The following TSC1 variants were observed in gnomAD, a reference collection of about 807,000 sequenced individuals.
TSC1 encodes TSC complex subunit 1.
TSC1 carries 20 observed loss-of-function variants against 124.3 expected under a neutral mutation model. The ratio of observed to expected loss-of-function variants is 0.16; its 90% confidence interval spans 0.11 to 0.23. TSC1 has a LOEUF of 0.23. Ranked by LOEUF, TSC1 falls within the 10% of genes least tolerant of loss-of-function variation. TSC1 has a pLI of 1.00. For synonymous variants in TSC1, 493 were observed against 539.1 expected, an observed-to-expected ratio of 0.91 and a Z score of 1.19; for missense variants, 1,124 against 1,448.5, an observed-to-expected ratio of 0.78 and a Z score of 3.64.
intron 12 of TSC1, among the ~76,000 whole-genome samples, chr9:132,907,624 G>A (rs1167283586): frequency 2.0e-5 from 3 of 152,090 alleles, no homozygotes; most frequent in African/African-American, 7.2e-5. Flanking sequence ...AGAGTAGCTG[G>A]GATTACAGAA....
At chr9:132,900,959 C>T in intron 19 of TSC1, 122 bp from the exon 20 acceptor site, 1 of 1,415,400 alleles carries the variant, frequency 7.1e-7, no homozygotes, top group Non-Finnish European at 9.8e-7. Context: ...TAAACCAGTC[C>T]CATGGGTTCA....
intron 20 of TSC1, chr9:132,900,005 TA>T (rs147044907): frequency 6.6e-6 from 1 of 152,102 alleles, no homozygotes; most frequent in African/African-American, 2.4e-5. Context: ...AAATAAAGAG[TA>T]ACTCTATTAG....
chr9:132,924,749 C>T (rs1330524284), intron 5 of TSC1: 1 of 152,126 alleles, frequency 6.6e-6, no homozygotes, highest in Non-Finnish European at 1.5e-5. Context: ...TAAAACTGTT[C>T]CTATTTTTTC....
At chr9:132,900,891 T>C in intron 19 of TSC1, 54 bp from the exon 20 acceptor site, 3 of 1,612,042 alleles carry the variant, frequency 1.9e-6, no homozygotes, top group Non-Finnish European at 2.5e-6. Context: ...AACTAGCACA[T>C]AGACGTCATT....
chr9:132,908,115 A>G (rs1436583217), intron 12 of TSC1, among the ~76,000 whole-genome samples: 2 of 150,920 alleles, frequency 1.3e-5, no homozygotes, highest in Admixed American at 1.3e-4. Context: ...TAATAATGAG[A>G]AAGTTGGAGA....
Position 132,923,352 on chromosome 9 carries a change from T to C in TSC1, c.504A>G (p.Lys168=). ...FGRLSSWCLK[K]PGHVAEVYLV... ...GGTATATGAGGAGATCTGTACCTGG[T>C]TTCTTCAGGCACCATGATGACAGAC... The change falls in exon 6 of 23, where the codon AAA becomes AAG. Residue 168 remains lysine (K), a synonymous_variant. Coordinates refer to ENST00000298552, the MANE Select transcript of TSC1 (RefSeq NM_000368.5). This position sits in a 1 kb window ranked among gnomAD's most constrained non-coding sequence, Gnocchi z 4.2. 6.2e-7 allele frequency: 1 copy of C among 1,614,032 alleles called. No individual in the cohort carries two copies.
intron 2 of TSC1, among the ~76,000 whole-genome samples, chr9:132,929,833 G>C (rs1847111605): frequency 6.6e-6 from 1 of 152,160 alleles, no homozygotes; most frequent in African/African-American, 2.4e-5. Flanking sequence ...TGGAGATCAA[G>C]CCATTTGTTC....
In TSC1 at chr9:132,911,515, G is replaced by T. The variant is rs781189978; in HGVS notation, c.967C>A (p.Pro323Thr). Residue 323 changes from proline to threonine, a missense_variant, in exon 10 of 23, where the codon CCA (proline) becomes ACA (threonine). Transcript: ENST00000298552. The part of the protein sequence containing the change: ...STSRLMLLNM[P>T]GQLPQTLSSP... ...CTCAGAGTCTGAGGTAGCTGCCCTG[G>T]CATATTTAACAACATCAGCCGAGAC... 6.2e-7 allele frequency: 1 copy of T among 1,613,380 alleles called. No homozygotes were observed. Among genetic ancestry groups the T allele is most frequent in the Non-Finnish European group, 8.5e-7 (1 of 1,179,932 alleles).
rs1588285309 is a variant in TSC1, at chr9:132,896,037, A to AG, written c.*197dup. On this transcript the variant is annotated 3_prime_UTR_variant, in exon 23 of 23. Transcript: ENST00000298552. The surrounding 1 kb of genome is among the most constrained non-coding windows in gnomAD (Gnocchi z 4.5). ...AATGAGAGGGGGTTAGGGCGGGTGG[A>AG]GGGGAAGGTCAAGAGGCATTTCAAT... The AG allele has an allele frequency of 5.6e-6, 4 of 714,422 alleles. No individual in the cohort carries two copies. The highest frequency in any genetic ancestry group is 9.7e-6 in the Non-Finnish European group (4 of 413,624). 44.3% of individuals were successfully genotyped at this position (714,422 alleles called of 1,614,324 possible).
Position 132,893,900 on chromosome 9 carries a change from T to C in TSC1, c.*2335A>G, listed in dbSNP as rs1844894892. The stretch of plus-strand genomic sequence containing the variant: ...GACCTGTTGACTCTTGGCAGGTTTA[T>C]CATGTCCAAAACCAAACCAAACCTA... On this transcript the variant is annotated 3_prime_UTR_variant, in exon 23 of 23. Transcript: ENST00000298552. 4 of 233,322 alleles carry C rather than the reference T, an allele frequency of 1.7e-5. No individual in the cohort carries two copies. The highest frequency in any genetic ancestry group is 1.2e-4 in the East Asian group (2 of 16,596). 14.5% of individuals were successfully genotyped at this position (233,322 alleles called of 1,614,324 possible).
In TSC1 at chr9:132,893,801, G is replaced by A. The variant is rs1260220120; in HGVS notation, c.*2434C>T. The A allele has an allele frequency of 4.3e-6, 1 of 233,144 alleles. No homozygotes were observed. The highest frequency in any genetic ancestry group is 8.5e-6 in the Non-Finnish European group (1 of 118,062). The allele number at this position is 233,144 out of a possible 1,614,324, so 14.4% of individuals were successfully genotyped here. On this transcript the variant is annotated 3_prime_UTR_variant, in exon 23 of 23. Transcript: ENST00000298552. ...CTTATTGTACTAATACCTTTGCCCA[G>A]GACTGAATTGCCTCTCGAGAGTAAT...
chr9:132,896,482 C>T lies in TSC1; in HGVS notation c.3248G>A (p.Ser1083Asn), dbSNP rs1845055163. The change falls in exon 23 of 23, where the codon AGT becomes AAT. Residue 1083 changes from serine (S) to asparagine (N), a missense_variant. This residue lies in a region of TSC1 where 325 missense variants were observed against 383.4 expected (regional missense o/e 0.85). Coordinates refer to ENST00000298552, the MANE Select transcript of TSC1 (RefSeq NM_000368.5). The surrounding 1 kb of genome is among the most constrained non-coding windows in gnomAD (Gnocchi z 4.5). ...CTTCATACCCAGGAAGCTTTTTGAA[C>T]TGGGAAGTGAGCCCACAGTGGTGGG... ...SIPTTVGSLPSSKSFLGMKAR... is the reference protein window; with the variant it reads ...SIPTTVGSLPNSKSFLGMKAR... 6.2e-7 allele frequency: 1 copy of T among 1,614,118 alleles called. No individual in the cohort carries two copies. Among genetic ancestry groups the T allele is most frequent in the Admixed American group, 1.7e-5 (1 of 60,006 alleles).
chr9:132,915,520 C>T (rs1045376839), intron 8 of TSC1, among the ~76,000 whole-genome samples: 2 of 152,150 alleles, frequency 1.3e-5, no homozygotes, highest in African/African-American at 4.8e-5. Context: ...CTATAAAGGC[C>T]CTAATAATGA....
At chr9:132,912,501 C>G (rs761080188) in intron 8 of TSC1, 44 bp from the exon 9 acceptor site, 9 of 1,611,082 alleles carry the variant, frequency 5.6e-6, no homozygotes, top group Non-Finnish European at 7.6e-6. Context: ...CTGTAATCAA[C>G]TGAATTAAAT....
At position 132,923,386 on chromosome 9, in the gene TSC1, A is replaced by G. The variant is rs2132188270; in HGVS notation, c.470T>C (p.Ile157Thr). The G allele has an allele frequency of 6.2e-7, 1 of 1,614,180 alleles. No homozygotes were observed. Among genetic ancestry groups the G allele is most frequent in the Non-Finnish European group, 8.5e-7 (1 of 1,180,012 alleles). The change falls in exon 6 of 23, where the codon ATT (isoleucine) becomes ACT (threonine). Residue 157 changes from isoleucine to threonine, a missense_variant. Transcript: ENST00000298552. This position sits in a 1 kb window ranked among gnomAD's most constrained non-coding sequence, Gnocchi z 4.2. The stretch of plus-strand genomic sequence containing the variant: ...GCACCATGATGACAGACGGCCAAAA[A>G]TGTCAAAGAAATCAAGAAGATGCTG... ...GKQHLLDFFD[I>T]FGRLSSWCLK...
rs542334893 is a variant in TSC1, at chr9:132,902,853, C to T, written c.2209-66G>A. 482 of 1,576,750 alleles carry T rather than the reference C, an allele frequency of 3.1e-4. No homozygotes were observed. Among genetic ancestry groups the T allele is most frequent in the Non-Finnish European group, 3.8e-4 (440 of 1,149,964 alleles). ...AACACAGGCAATTTAACACACACTG[C>T]GAACATTTCATCTGAATAGTCATAA... On this transcript the variant is annotated intron_variant, in intron 17 of 22. Coordinates refer to ENST00000298552, the MANE Select transcript of TSC1 (RefSeq NM_000368.5). This position sits in a 1 kb window ranked among gnomAD's most constrained non-coding sequence, Gnocchi z 5.2.
chr9:132,896,575 G>C lies in TSC1; in HGVS notation c.3155C>G (p.Pro1052Arg), dbSNP rs2131605173. The C allele has an allele frequency of 1.2e-6, 2 of 1,614,048 alleles. No individual in the cohort carries two copies. The highest frequency in any genetic ancestry group is 2.7e-5 in the African/African-American group (2 of 75,026). ...GCTGAATGGGCCTGCCCTCTGGTGT[G>C]GGGGTTTCTCTGGGGTAGAAAGCTC... Reference protein sequence around the residue: ...SSELSTPEKPPHQRAGPFSSR... With the variant: ...SSELSTPEKPRHQRAGPFSSR... Residue 1052 changes from proline (P) to arginine (R), a missense_variant, in exon 23 of 23, where the codon CCA (proline) becomes CGA (arginine). Around this residue, in one of 5 missense-constraint regions of TSC1, gnomAD observed 325 missense variants for 383.4 expected, o/e 0.85. Coordinates refer to ENST00000298552, the MANE Select transcript of TSC1 (RefSeq NM_000368.5). The surrounding 1 kb of genome is among the most constrained non-coding windows in gnomAD (Gnocchi z 4.5).
At chr9:132,910,171 C>G (rs1242650840) in intron 12 of TSC1, 1 of 358,578 alleles carries the variant, frequency 2.8e-6, no homozygotes, top group Non-Finnish European at 5.0e-6. Context: ...CATCATGGCA[C>G]ATGCCTGTAG....
intron 2 of TSC1, among the ~76,000 whole-genome samples, chr9:132,930,587 C>CAAAA (rs58163733): frequency 0.038 from 1,688 of 44,988 alleles, 86 homozygotes; most frequent in African/African-American, 0.047. Flanking sequence ...GACTCTGCCT[C>CAAAA]AAAAAAAAAA....
Sources: allele counts gnomAD v4.1 joint callset (sites outside exome capture counted in the v4.1 genomes callset), GRCh38; gene constraint gnomAD v4.1.1; regional missense constraint gnomAD v4.1.1; non-coding constraint Gnocchi (gnomAD v3.1); transcripts MANE v1.5; gene names NCBI Gene and HGNC (gene_info 2026-07-23, HGNC 2026-07-21).